The following IARS1 variants were observed in gnomAD, a reference collection of about 807,000 sequenced individuals.
The protein encoded by IARS1 is isoleucine--tRNA ligase, cytoplasmic.
A neutral mutation model predicts 168.2 loss-of-function variants in IARS1; 124 were observed. The observed-to-expected ratio is 0.74, with a 90% CI of 0.64 to 0.86. IARS1 has a LOEUF of 0.86. Ranked by LOEUF, IARS1 falls within the 40% of genes least tolerant of loss-of-function variation. The pLI, the probability that IARS1 is intolerant of heterozygous loss-of-function variation, is 0.00. For synonymous variants in IARS1, 532 were observed against 529.4 expected, an observed-to-expected ratio of 1.00 and a Z score of -0.07; for missense variants, 1,452 against 1,515.8, an observed-to-expected ratio of 0.96 and a Z score of 0.70.
intron 30 of IARS1, among the ~76,000 whole-genome samples, chr9:92,236,339 A>T (rs577861141): frequency 6.6e-6 from 1 of 152,162 alleles, no homozygotes; most frequent in Non-Finnish European, 1.5e-5. Context: ...TAATAACCAC[A>T]TAAAATGAGT....
chr9:92,245,000 T>C lies in IARS1; in HGVS notation c.2863A>G (p.Thr955Ala), dbSNP rs1390325012. Reference sequence around the variant, plus strand: ...GCTTCAAATTGCGCAGTCCCACCTGTGGCCTGATCAAAGGTGTACATGAGG... The same window carrying C: ...GCTTCAAATTGCGCAGTCCCACCTGCGGCCTGATCAAAGGTGTACATGAGG... Reference protein sequence around the residue: ...IRLMYTFDQATGGTAQFEAHS... With the variant: ...IRLMYTFDQAAGGTAQFEAHS... Residue 955 changes from threonine to alanine, a missense_variant, in exon 27 of 34, where the codon ACA becomes GCA. Physicochemically the swap from Thr to Ala is moderately conservative, Grantham distance 58. Transcript: ENST00000443024. The C allele has an allele frequency of 1.2e-6, 2 of 1,614,198 alleles. No individual in the cohort carries two copies. The highest frequency in any genetic ancestry group is 1.7e-6 in the Non-Finnish European group (2 of 1,180,030).
chr9:92,271,505 AC>A lies in IARS1; in HGVS notation c.1113+27del, dbSNP rs747874346. ...TAGAGACTAATCAGAAGTAACAGTC[AC>A]CCTTCTATGCTATATGGATTACAGA... is the stretch of plus-strand genomic sequence containing the variant. On this transcript the variant is annotated intron_variant, in intron 11 of 33. Transcript: ENST00000443024. 5 of 1,612,160 alleles carry A rather than the reference AC, an allele frequency of 3.1e-6. No homozygotes were observed. In the African/African-American group the frequency reaches 5.3e-5, roughly 17 times the overall value.
chr9:92,216,494 C>T (rs1455002897), intron 33 of IARS1, among the ~76,000 whole-genome samples: 1,410 of 127,886 alleles, frequency 0.011, 22 homozygotes, highest in African/African-American at 0.038. Context: ...GATAAAGAGT[C>T]AAGACCCATC....
chr9:92,262,610 T>C (rs1831681153), intron 17 of IARS1, among the ~76,000 whole-genome samples: 1 of 152,126 alleles, frequency 6.6e-6, no homozygotes, highest in African/African-American at 2.4e-5. Flanking sequence ...CTGTGGTCTC[T>C]AGAACCCACA....
chr9:92,217,991 A>G (rs557373876), intron 33 of IARS1, among the ~76,000 whole-genome samples: 1 of 152,112 alleles, frequency 6.6e-6, no homozygotes, highest in Non-Finnish European at 1.5e-5. Flanking sequence ...TTTTAGACCA[A>G]TATCCTTGAT....
chr9:92,290,307 T>C (rs1175551041), intron 1 of IARS1, among the ~76,000 whole-genome samples: 6 of 152,232 alleles, frequency 3.9e-5, no homozygotes, highest in Non-Finnish European at 7.3e-5. Context: ...GGACTAATGA[T>C]GCTGAGCATC....
At chr9:92,258,715 C>T in intron 19 of IARS1, 139 bp downstream of exon 19, 2 of 821,346 alleles carry the variant, frequency 2.4e-6, no homozygotes, top group Non-Finnish European at 3.6e-6. Context: ...ATGGCCTCCC[C>T]ATGGCTCTAA....
At chr9:92,237,458 T>C (rs762246913) in intron 30 of IARS1, among the ~76,000 whole-genome samples, 1 of 152,228 alleles carries the variant, frequency 6.6e-6, no homozygotes, top group Non-Finnish European at 1.5e-5. Context: ...ATAATGTATC[T>C]CAGCAAAGTT....
At chr9:92,250,314 A>T in intron 23 of IARS1, 25 bp from the exon 24 acceptor site, 1 of 1,396,582 alleles carries the variant, frequency 7.2e-7, no homozygotes, top group South Asian at 1.2e-5. Context: ...TAGGAATATG[A>T]AAGAGTTTAG....
At chr9:92,255,906 G>A (rs1830649099) in intron 20 of IARS1, among the ~76,000 whole-genome samples, 1 of 152,046 alleles carries the variant, frequency 6.6e-6, no homozygotes, top group African/African-American at 2.4e-5. Flanking sequence ...ACAAAGATAT[G>A]ATAAATGCTT....
At position 92,265,511 on chromosome 9, in the gene IARS1, C is replaced by G. The variant is rs1438796664; in HGVS notation, c.1474G>C (p.Gly492Arg). ...GSVAELEELSGAKISDLHRES... is the reference protein window; with the variant it reads ...GSVAELEELSRAKISDLHRES... ...CTGTGGAGATCTGAGATCTTTGCTC[C>G]TGACAGTTCTTCAAGTTCCGCCACT... is the stretch of plus-strand genomic sequence containing the variant. Residue 492 changes from glycine to arginine, a missense_variant, in exon 15 of 34, where the codon GGA (glycine) becomes CGA (arginine). Transcript: ENST00000443024. The G allele has an allele frequency of 1.1e-5, 17 of 1,613,396 alleles. No homozygotes were observed. In the Admixed American group the frequency reaches 2.0e-4, roughly 19 times the overall value.
intron 6 of IARS1, among the ~76,000 whole-genome samples, chr9:92,281,274 T>C (rs926065989): frequency 6.6e-6 from 1 of 151,832 alleles, no homozygotes; most frequent in African/African-American, 2.4e-5. Flanking sequence ...GCTGGGATTA[T>C]AGGTGCGTGT....
chr9:92,289,357 A>G lies in IARS1; in HGVS notation c.63T>C (p.Phe21=). 2 of 1,597,314 alleles carry G rather than the reference A, an allele frequency of 1.3e-6. No individual in the cohort carries two copies. Among genetic ancestry groups the G allele is most frequent in the South Asian group, 2.2e-5 (2 of 90,318 alleles). The change falls in exon 2 of 34, where the codon TTT becomes TTC. Residue 21 remains phenylalanine (F), a synonymous_variant. Coordinates refer to ENST00000443024, the MANE Select transcript of IARS1 (RefSeq NM_002161.6). The stretch of plus-strand genomic sequence containing the variant: ...CCTGAAAACAATTAAATTCAGTCCA[A>G]AACTCCAAGATTTTCTCTTCTTCAG... ...FPAEEEKILE[F]WTEFNCFQEC...
At chr9:92,269,348 G>C (rs892778440) in intron 13 of IARS1, among the ~76,000 whole-genome samples, 12 of 152,122 alleles carry the variant, frequency 7.9e-5, no homozygotes, top group Admixed American at 7.9e-4. Context: ...TTCAAGCCTT[G>C]TTTCATTTTG....
At chr9:92,263,164 G>T (rs1831774747) in intron 16 of IARS1, 109 bp from the exon 17 acceptor site, 1 of 729,792 alleles carries the variant, frequency 1.4e-6, no homozygotes, top group Admixed American at 2.4e-5. Context: ...CACACTTCTT[G>T]AGAATCACTT....
rs769850006 is a variant in IARS1, at chr9:92,277,899, G to C, written c.858C>G (p.Gly286=). The C allele has an allele frequency of 6.2e-7, 1 of 1,613,730 alleles. No homozygotes were observed. Among genetic ancestry groups the C allele is most frequent in the African/African-American group, 1.3e-5 (1 of 74,870 alleles). The change falls in exon 9 of 34, where the codon GGC becomes GGG. Residue 286 remains glycine, a synonymous_variant. Coordinates refer to ENST00000443024, the MANE Select transcript of IARS1 (RefSeq NM_002161.6). ...AGTCAAACAGGGGCCTGTACTTCTTGCCTTTAAGATAGGCACCAGGAAATC... is the reference window on the plus strand; with the variant it reads ...AGTCAAACAGGGGCCTGTACTTCTTCCCTTTAAGATAGGCACCAGGAAATC... ...LERFPGAYLK[G]KKYRPLFDYF...
At chr9:92,269,494 A>C (rs1832730275) in intron 13 of IARS1, among the ~76,000 whole-genome samples, 1 of 152,214 alleles carries the variant, frequency 6.6e-6, no homozygotes, top group Non-Finnish European at 1.5e-5. Context: ...CAGGACCAAC[A>C]AGAGTAAGTA....
chr9:92,283,624 G>A (rs1325791934), intron 6 of IARS1, among the ~76,000 whole-genome samples: 1 of 152,170 alleles, frequency 6.6e-6, no homozygotes, highest in Non-Finnish European at 1.5e-5. Context: ...CTGGGCATCA[G>A]AGTGAGACTC....
At chr9:92,222,758 A>G (rs1386738535) in intron 32 of IARS1, 86 bp from the exon 33 acceptor site, 2 of 1,430,284 alleles carry the variant, frequency 1.4e-6, no homozygotes, top group East Asian at 2.3e-5. Flanking sequence ...CAGCTCTAAC[A>G]GGCAGTGCTG....
Sources: gnomAD v4.1 joint callset for allele counts (sites outside exome capture counted in the v4.1 genomes callset) on GRCh38, gnomAD v4.1.1 for gene constraint, MANE v1.5 for transcripts, NCBI Gene and HGNC (gene_info 2026-07-23, HGNC 2026-07-21) for gene names.